The following NPC1 variants were observed in gnomAD, a reference collection of about 807,000 sequenced individuals.
The protein encoded by NPC1 is Niemann-Pick C1 protein.
Under a neutral mutation model 140.4 loss-of-function variants are expected in NPC1, and 85 were observed. The observed-to-expected ratio is 0.61, with a 90% confidence interval of 0.51 to 0.72. NPC1 has a LOEUF of 0.72. Among genes scored for constraint, NPC1 ranks in the 30% least tolerant of loss-of-function variants. The pLI is 0.00. For synonymous variants in NPC1, 656 were observed against 624.8 expected (o/e 1.05, Z -0.74); for missense variants, 1,504 against 1,623.8 (o/e 0.93, Z 1.27).
At chr18:23,529,483 CG>C, downstream of NPC1, 1 of 1,243,874 alleles carries the variant, frequency 8.0e-7, no homozygotes, top group Admixed American at 2.3e-5. Context: ...TAATTGTTGA[CG>C]GGTGGTTCTG....
downstream of NPC1, chr18:23,530,652 CAA>C (rs536631149): frequency 1.9e-6 from 3 of 1,585,132 alleles, no homozygotes; most frequent in Non-Finnish European, 1.7e-6. Context: ...ACCATAGCCT[CAA>C]AGAGTAGCAG....
chr18:23,570,003 G>A (rs1442963893), intron 3 of NPC1, among the ~76,000 whole-genome samples: 2 of 152,224 alleles, frequency 1.3e-5, no homozygotes, highest in Non-Finnish European at 2.9e-5. Context: ...CAGTGACCAT[G>A]TAAGACAAAG....
chr18:23,537,068 T>G (rs2058642151), intron 20 of NPC1, among the ~76,000 whole-genome samples, 192 bp from the exon 21 acceptor site: 1 of 151,654 alleles, frequency 6.6e-6, no homozygotes. Context: ...CCAGACTGGC[T>G]TCTTTTTTTT....
chr18:23,531,786 TA>T lies in NPC1; in HGVS notation c.*415del. 4.5e-6 allele frequency: 7 copies of T among 1,551,948 alleles called. No homozygotes were observed. The African/African-American group carries it at 5.6e-5, about 12-fold the overall frequency. ...TAAAGCTCTTTAAACTATAAAATGT[TA>T]TAAAGTGTATCTACAACCTCAACTG... On this transcript the variant is annotated 3_prime_UTR_variant, in exon 25 of 25. Coordinates refer to ENST00000269228, the MANE Select transcript of NPC1 (RefSeq NM_000271.5).
intron 22 of NPC1, 73 bp from the exon 23 acceptor site, chr18:23,534,632 A>G: frequency 1.7e-6 from 2 of 1,197,134 alleles, no homozygotes; most frequent in Non-Finnish European, 2.4e-6. Flanking sequence ...CGTTCTGAGG[A>G]TGGGTGCTAA....
chr18:23,570,254 GTTGTT>G (rs1050042984), intron 3 of NPC1, among the ~76,000 whole-genome samples: 1 of 152,158 alleles, frequency 6.6e-6, no homozygotes, highest in Non-Finnish European at 1.5e-5. Flanking sequence ...CAAATATCAG[GTTGTT>G]TCTCCTGTTT....
In NPC1 at chr18:23,538,654, C is replaced by A; in HGVS notation, c.2929G>T (p.Val977Phe). Residue 977 changes from valine (V) to phenylalanine (F), a missense_variant, in exon 20 of 25, where the codon GTT becomes TTT. Coordinates refer to ENST00000269228, the MANE Select transcript of NPC1 (RefSeq NM_000271.5). ...CNASVVDPAC[V>F]RCRPLTPEGK... ...TCCGGAGTCAGAGGCCTGCAGCGAA[C>A]GCAGGCAGGGTCAACCACTGGCGGA... 3.7e-6 allele frequency: 6 copies of A among 1,614,028 alleles called. No homozygotes were observed. The highest frequency in any genetic ancestry group is 5.1e-6 in the Non-Finnish European group (6 of 1,179,976).
intron 9 of NPC1, 86 bp downstream of exon 9, chr18:23,554,672 T>C (rs1362727083): frequency 4.1e-6 from 4 of 972,192 alleles, no homozygotes; most frequent in Non-Finnish European, 6.5e-6. Flanking sequence ...CACCTCTGGG[T>C]TATGCTCATA....
In NPC1 at chr18:23,534,484, C is replaced by G; in HGVS notation, c.3553G>C (p.Glu1185Gln). 1.9e-6 allele frequency: 3 copies of G among 1,614,054 alleles called. No individual in the cohort carries two copies. The highest frequency in any genetic ancestry group is 2.5e-6 in the Non-Finnish European group (3 of 1,180,038). Reference sequence around the variant, plus strand: ...TGGGCAAGTGCCTCTTCCGCGCGCTCCACGCGGCTGCCTTTCATGCTCACC... The same window carrying G: ...TGGGCAAGTGCCTCTTCCGCGCGCTGCACGCGGCTGCCTTTCATGCTCACC... The part of the protein sequence containing the change: ...FTVSMKGSRV[E>Q]RAEEALAHMG... The change falls in exon 23 of 25, where the codon GAG becomes CAG. Residue 1185 changes from glutamate to glutamine, a missense_variant. By Grantham distance (29) the Glu-to-Gln change is conservative. Coordinates refer to ENST00000269228, the MANE Select transcript of NPC1 (RefSeq NM_000271.5).
chr18:23,553,222 T>C (rs2058899976), intron 9 of NPC1, among the ~76,000 whole-genome samples: 1 of 152,272 alleles, frequency 6.6e-6, no homozygotes, highest in South Asian at 2.1e-4. Flanking sequence ...ATCATTTTTG[T>C]TGACTTTTAT....
At chr18:23,538,769 C>T (rs1598943206) in intron 19 of NPC1, 98 bp from the exon 20 acceptor site, 1 of 1,294,466 alleles carries the variant, frequency 7.7e-7, no homozygotes, top group East Asian at 2.3e-5. Flanking sequence ...TTACTTTCTT[C>T]TCTATCGATT....
intron 23 of NPC1, chr18:23,533,878 A>G: frequency 2.8e-6 from 1 of 356,980 alleles, no homozygotes; most frequent in South Asian, 2.4e-5. Context: ...TCTACTACCT[A>G]ACACTATTTG....
chr18:23,521,888 G>C (rs900800927), downstream of NPC1, among the ~76,000 whole-genome samples: 14 of 152,196 alleles, frequency 9.2e-5, no homozygotes, highest in East Asian at 2.5e-3. Context: ...AGTCTCTCCC[G>C]GCTCTCTTTT....
chr18:23,523,989 G>C (rs2058220603), intron 1 of NPC1: 1 of 928,950 alleles, frequency 1.1e-6, no homozygotes, highest in Non-Finnish European at 1.7e-6. Flanking sequence ...CAGTGAGACG[G>C]AACAGTTCAT....
At chr18:23,566,616 T>C (rs988346842) in intron 4 of NPC1, among the ~76,000 whole-genome samples, 1 of 151,938 alleles carries the variant, frequency 6.6e-6, no homozygotes, top group Non-Finnish European at 1.5e-5. Context: ...ACACACACTC[T>C]ATAGATTCAG....
intron 3 of NPC1, among the ~76,000 whole-genome samples, chr18:23,569,649 A>C (rs1248519758): frequency 6.6e-6 from 1 of 152,214 alleles, no homozygotes; most frequent in African/African-American, 2.4e-5. Flanking sequence ...AAAATAAAAT[A>C]ATGAGAATTA....
At chr18:23,529,172 C>T (rs1240803453), downstream of NPC1, 5 of 1,604,598 alleles carry the variant, frequency 3.1e-6, no homozygotes, top group Admixed American at 1.8e-5. Flanking sequence ...TGGTTTTTTT[C>T]TTTCAGGCGG....
At position 23,548,091 on chromosome 18, in the gene NPC1, C is replaced by T. The variant is rs201156397; in HGVS notation, c.1672G>A (p.Ala558Thr). ...GGGAAGGTAATCACAAGGGCAGTGG[C>T]GTTATTGTAGTTTTGATCTAGAAAG... The part of the protein sequence containing the change: ...GGYDDQNYNN[A>T]TALVITFPVN... Residue 558 changes from alanine (A) to threonine (T), a missense_variant, in exon 11 of 25, where the codon GCC becomes ACC. Transcript: ENST00000269228. The T allele has an allele frequency of 1.2e-5, 19 of 1,608,456 alleles. No individual in the cohort carries two copies. The highest frequency in any genetic ancestry group is 3.3e-4 in the Middle Eastern group (2 of 6,078).
Position 23,568,962 on chromosome 18 carries a change from A to G in NPC1, c.324T>C (p.Phe108=), listed in dbSNP as rs138795996. The G allele has an allele frequency of 6.2e-7, 1 of 1,614,038 alleles. No individual in the cohort carries two copies. The change falls in exon 4 of 25, where the codon TTT becomes TTC. Residue 108 remains phenylalanine (F), a synonymous_variant. Transcript: ENST00000269228. ...PSCFYNLLNL[F]CELTCSPRQS... ...GTCGAGGGCTACATGTCAGCTCACA[A>G]AACAGGTTCAGTAGGTTATAAAAAC...
Sources: gnomAD v4.1 joint callset for allele counts (sites outside exome capture counted in the v4.1 genomes callset) on GRCh38, gnomAD v4.1.1 for gene constraint, MANE v1.5 for transcripts, NCBI Gene and HGNC (gene_info 2026-07-23, HGNC 2026-07-21) for gene names.